ATAD2: variants seen among roughly 807,000 people sequenced by gnomAD.
The protein encoded by ATAD2 is ATPase family AAA domain-containing protein 2.
In ATAD2, 62 loss-of-function variants were observed where a neutral mutation model predicts 168.9. The observed-to-expected ratio is 0.37, with a 90% CI of 0.30 to 0.45. ATAD2 has a LOEUF of 0.45. Ranked by LOEUF, ATAD2 falls within the 20% of genes least tolerant of loss-of-function variation. ATAD2 has a pLI of 1.00. For missense variants in ATAD2, 1,419 were observed against 1,667.8 expected, an observed-to-expected ratio of 0.85 and a Z score of 2.60; for synonymous variants, 613 against 571.6, an observed-to-expected ratio of 1.07 and a Z score of -1.03.
intron 1 of ATAD2, among the ~76,000 whole-genome samples, chr8:123,411,552 C>T (rs2130052592): frequency 6.6e-6 from 1 of 152,232 alleles, no homozygotes; most frequent in East Asian, 1.9e-4. Context: ...AGCTCAAACC[C>T]AACCAATCAG....
intron 1 of ATAD2, among the ~76,000 whole-genome samples, chr8:123,395,124 C>G (rs1187590171): frequency 6.6e-6 from 1 of 152,168 alleles, no homozygotes; most frequent in Non-Finnish European, 1.5e-5. Flanking sequence ...TTCTCATTCC[C>G]AAGTTCCCAA....
Position 123,349,299 on chromosome 8 carries a change from G to T in ATAD2, c.1792C>A (p.Leu598Met). 1.2e-6 allele frequency: 2 copies of T among 1,613,536 alleles called. No homozygotes were observed. Among genetic ancestry groups the T allele is most frequent in the Non-Finnish European group, 1.7e-6 (2 of 1,179,894 alleles). ...TAAATTCTTACCTCTTTATCAGGCA[G>T]GCTAAAGAGGAATTCTCTATCAAAG... ...GRFDREFLFS[L>M]PDKEARKEIL... The change falls in exon 14 of 28, where the codon CTG (leucine) becomes ATG (methionine). Residue 598 changes from leucine (L) to methionine (M), a missense_variant. Leu to Met is a conservative substitution (Grantham distance 15). Transcript: ENST00000287394.
intron 1 of ATAD2, among the ~76,000 whole-genome samples, chr8:123,404,724 G>A (rs755344566): frequency 4.6e-5 from 7 of 152,000 alleles, no homozygotes; most frequent in African/African-American, 9.7e-5. Context: ...CCGCCACCAC[G>A]CCTGGCTAAT....
At chr8:123,329,327 G>A (rs187795914) in intron 24 of ATAD2, among the ~76,000 whole-genome samples, 29 of 152,102 alleles carry the variant, frequency 1.9e-4, no homozygotes, top group African/African-American at 5.5e-4. Flanking sequence ...CAATCTTGGC[G>A]CACTACAACC....
In ATAD2 at chr8:123,359,208, A is replaced by G. The variant is rs779644454; in HGVS notation, c.1382+13T>C. 1.0e-5 allele frequency: 16 copies of G among 1,524,526 alleles called. No homozygotes were observed. The highest frequency in any genetic ancestry group is 1.4e-5 in the Non-Finnish European group (16 of 1,118,296). The allele number at this position is 1,524,526 out of a possible 1,614,324, so 94.4% of individuals were successfully genotyped here. A position where few individuals can be genotyped will look rare whatever the true frequency, so the allele number is the denominator to read the frequency against. On this transcript the variant is annotated intron_variant, in intron 11 of 27. Coordinates refer to ENST00000287394, the MANE Select transcript of ATAD2 (RefSeq NM_014109.4). Reference sequence around the variant, plus strand: ...AAGATTTTCAGCTAAAATTAAAAATATAATTAAATTACCTTGGGGGTTGAA... The same window carrying G: ...AAGATTTTCAGCTAAAATTAAAAATGTAATTAAATTACCTTGGGGGTTGAA...
In ATAD2 at chr8:123,347,127, T is replaced by C. The variant is rs1242843190; in HGVS notation, c.2177A>G (p.His726Arg). 1 of 1,613,698 alleles carries C rather than the reference T, an allele frequency of 6.2e-7. No homozygotes were observed. Among genetic ancestry groups the C allele is most frequent in the Non-Finnish European group, 8.5e-7 (1 of 1,179,742 alleles). Residue 726 changes from histidine to arginine, a missense_variant, in exon 16 of 28, where the codon CAT becomes CGT. Around this residue, in one of 5 missense-constraint regions of ATAD2, gnomAD observed 545 missense variants for 724.9 expected, o/e 0.75. Transcript: ENST00000287394. ...ILEALQRVFP[H>R]AEFRTNKTLD... Reference sequence around the variant, plus strand: ...TGTTTTATTTGTTCTGAATTCTGCATGTGGAAATACTCTCTGCAGGGCTTC... The same window carrying C: ...TGTTTTATTTGTTCTGAATTCTGCACGTGGAAATACTCTCTGCAGGGCTTC...
chr8:123,340,278 A>C (rs1828027617), intron 19 of ATAD2, among the ~76,000 whole-genome samples: 1 of 152,202 alleles, frequency 6.6e-6, no homozygotes, highest in Non-Finnish European at 1.5e-5. Flanking sequence ...CAAAAATAAA[A>C]AGCAAACAAA....
chr8:123,397,727 T>G (rs1812921799), upstream of ATAD2, among the ~76,000 whole-genome samples: 1 of 152,128 alleles, frequency 6.6e-6, no homozygotes, highest in Admixed American at 6.5e-5. Context: ...GAACTTAAAC[T>G]CTAGTGGAAG....
chr8:123,374,995 T>C (rs1456250735), intron 2 of ATAD2, among the ~76,000 whole-genome samples: 2 of 151,752 alleles, frequency 1.3e-5, no homozygotes, highest in East Asian at 1.9e-4. Flanking sequence ...CTCAAGTAGA[T>C]TGAAAACAAA....
chr8:123,359,673 T>C lies in ATAD2; in HGVS notation c.1170A>G (p.Leu390=). 1.2e-6 allele frequency: 2 copies of C among 1,612,138 alleles called. No homozygotes were observed. The highest frequency in any genetic ancestry group is 1.7e-5 in the Admixed American group (1 of 59,740). ...RNRAINRCLP[L]NFRKDELKGI... ...CTTTTAATTCATCTTTCCGAAAATT[T>C]AGTGGGAGGCACCTATTTAAAAAGA... The change falls in exon 10 of 28, where the codon CTA becomes CTG. Residue 390 remains leucine (L), a synonymous_variant. Coordinates refer to ENST00000287394, the MANE Select transcript of ATAD2 (RefSeq NM_014109.4).
chr8:123,382,215 T>A (rs1403640214), intron 1 of ATAD2, among the ~76,000 whole-genome samples: 1 of 152,242 alleles, frequency 6.6e-6, no homozygotes, highest in Non-Finnish European at 1.5e-5. Flanking sequence ...CAGGCTGGCT[T>A]TACTCTATTG....
chr8:123,392,616 AT>A (rs1812632194), intron 1 of ATAD2, among the ~76,000 whole-genome samples: 1 of 151,766 alleles, frequency 6.6e-6, no homozygotes, highest in Admixed American at 6.6e-5. Flanking sequence ...GTTTAAAATA[AT>A]GTAAAAAAAA....
At chr8:123,380,091 G>T (rs944138126) in intron 2 of ATAD2, among the ~76,000 whole-genome samples, 2 of 151,270 alleles carry the variant, frequency 1.3e-5, no homozygotes, top group Non-Finnish European at 2.9e-5. Context: ...TCGCTCTGTC[G>T]CCCAGGCTGA....
intron 27 of ATAD2, among the ~76,000 whole-genome samples, chr8:123,321,748 A>T (rs1311399277): frequency 6.6e-6 from 1 of 152,026 alleles, no homozygotes; most frequent in Non-Finnish European, 1.5e-5. Flanking sequence ...ATCCTAGGCA[A>T]CATAGCAAAA....
chr8:123,375,007 A>T (rs762590785), intron 2 of ATAD2, among the ~76,000 whole-genome samples: 10 of 152,186 alleles, frequency 6.6e-5, no homozygotes, highest in Admixed American at 2.0e-4. Context: ...GAAAACAAAG[A>T]GTAAAAAAAA....
chr8:123,354,112 C>A (rs7017677), intron 13 of ATAD2, among the ~76,000 whole-genome samples: 1 of 151,964 alleles, frequency 6.6e-6, no homozygotes, highest in Non-Finnish European at 1.5e-5. Flanking sequence ...CCAGCCTGGG[C>A]GACAGAGCAA....
rs771359492 is a variant in ATAD2 at position 123,370,891 on chromosome 8, G to A, written c.727+12C>T. On this transcript the variant is annotated intron_variant, in intron 6 of 27. Transcript: ENST00000287394. ...TTCAATCCCAGAAGACAGAACAAGA[G>A]AAGAGACTAACCCACACTGCCTTCT... 8 of 1,569,888 alleles carry A rather than the reference G, an allele frequency of 5.1e-6. No homozygotes were observed. The South Asian group carries it at 7.0e-5, about 14-fold the overall frequency.
intron 19 of ATAD2, among the ~76,000 whole-genome samples, chr8:123,340,086 C>T (rs1828023122): frequency 6.6e-6 from 1 of 151,966 alleles, no homozygotes; most frequent in Admixed American, 6.6e-5. Flanking sequence ...GATAGGGTCT[C>T]CTTGTGTTGC....
At chr8:123,380,433 T>C in intron 2 of ATAD2, 96 bp downstream of exon 2, 1 of 1,280,688 alleles carries the variant, frequency 7.8e-7, no homozygotes, top group Non-Finnish European at 1.1e-6. Flanking sequence ...CCTAGAACCT[T>C]GATGACCAGT....
Sources: allele counts gnomAD v4.1 joint callset (sites outside exome capture counted in the v4.1 genomes callset), GRCh38; gene constraint gnomAD v4.1.1; regional missense constraint gnomAD v4.1.1; transcripts MANE v1.5; gene names NCBI Gene and HGNC (gene_info 2026-07-23, HGNC 2026-07-21).